KCNJ15: variants seen among roughly 807,000 people sequenced by gnomAD.
The protein encoded by KCNJ15 is potassium inwardly rectifying channel subfamily J member 15.
KCNJ15 carries 14 observed loss-of-function variants against 23.0 expected under a neutral mutation model. That is an observed-to-expected ratio of 0.61 (90% CI 0.40 to 0.95). The LOEUF (loss-of-function observed/expected upper bound fraction) is 0.95, where lower values mean the gene tolerates loss of function less well. Among genes scored for constraint, KCNJ15 ranks in the 40% least tolerant of loss-of-function variants. The probability of loss-of-function intolerance (pLI) is 0.00; values close to 1 mark genes in which losing one functional copy is unlikely to be tolerated. For synonymous variants in KCNJ15, 185 were observed against 183.2 expected (o/e 1.01, Z -0.08); for missense variants, 388 against 461.8 (o/e 0.84, Z 1.46).
chr21:38,282,265 C>T (rs1983430798), intron 1 of KCNJ15, among the ~76,000 whole-genome samples: 1 of 152,062 alleles, frequency 6.6e-6, no homozygotes, highest in Non-Finnish European at 1.5e-5. Context: ...TACTGGTGTA[C>T]CCCACATTGG....
At chr21:38,239,271 T>C (rs1475813900) in intron 1 of KCNJ15, among the ~76,000 whole-genome samples, 1 of 152,218 alleles carries the variant, frequency 6.6e-6, no homozygotes, top group Non-Finnish European at 1.5e-5. Context: ...TGACCACTGC[T>C]CAGTTCCCAC....
intron 1 of KCNJ15, among the ~76,000 whole-genome samples, chr21:38,289,196 C>CAAAA (rs66914079): frequency 2.8e-4 from 20 of 72,378 alleles, no homozygotes; most frequent in African/African-American, 8.0e-4. Flanking sequence ...AAGACTGTCT[C>CAAAA]AAAAAAAAAA....
intron 1 of KCNJ15, among the ~76,000 whole-genome samples, chr21:38,257,874 C>A (rs1245069111): frequency 6.6e-6 from 1 of 152,184 alleles, no homozygotes; most frequent in Non-Finnish European, 1.5e-5. Flanking sequence ...CTCCTCTGTA[C>A]TTCCGCATTT....
At chr21:38,257,892 T>A (rs1324402110) in intron 1 of KCNJ15, among the ~76,000 whole-genome samples, 2 of 152,216 alleles carry the variant, frequency 1.3e-5, no homozygotes, top group African/African-American at 4.8e-5. Context: ...TTTAGTCACT[T>A]GAAGGAAATA....
Position 38,299,839 on chromosome 21 carries a change from T to C in KCNJ15, c.578T>C (p.Leu193Pro). ...GTCATCACCAAGCAGAATGGGAAGCTGTGCTTGGTGATTCAGGTAGCCAAT... is the reference window on the plus strand; with the variant it reads ...GTCATCACCAAGCAGAATGGGAAGCCGTGCTTGGTGATTCAGGTAGCCAAT... ...CAVITKQNGK[L>P]CLVIQVANMR... Residue 193 changes from leucine to proline, a missense_variant, in exon 3 of 3, where the codon CTG becomes CCG. Coordinates refer to ENST00000398938, the MANE Select transcript of KCNJ15 (RefSeq NM_170736.3). This position sits in a 1 kb window ranked among gnomAD's most constrained non-coding sequence, Gnocchi z 4.5. 8.1e-6 allele frequency: 13 copies of C among 1,614,102 alleles called. No individual in the cohort carries two copies. Among genetic ancestry groups the C allele is most frequent in the Non-Finnish European group, 1.1e-5 (13 of 1,180,032 alleles).
intron 1 of KCNJ15, among the ~76,000 whole-genome samples, chr21:38,245,593 G>GAGAA (rs910718355): frequency 5.4e-5 from 8 of 149,358 alleles, no homozygotes; most frequent in African/African-American, 1.5e-4. Flanking sequence ...AAGAGAGAGA[G>GAGAA]AGAAAGAAAG....
intron 1 of KCNJ15, among the ~76,000 whole-genome samples, chr21:38,290,639 A>G (rs1006490261): frequency 6.6e-6 from 1 of 152,102 alleles, no homozygotes; most frequent in Non-Finnish European, 1.5e-5. Flanking sequence ...CTGTACCCCA[A>G]GAACTTCTGG....
intron 1 of KCNJ15, among the ~76,000 whole-genome samples, chr21:38,286,446 C>G (rs1015677399): frequency 2.0e-5 from 3 of 152,274 alleles, no homozygotes; most frequent in African/African-American, 7.2e-5. Context: ...CCTCATTGGT[C>G]TTACTGTTCC....
chr21:38,289,800 C>T (rs541441142), intron 1 of KCNJ15, among the ~76,000 whole-genome samples: 1 of 152,108 alleles, frequency 6.6e-6, no homozygotes, highest in South Asian at 2.1e-4. Context: ...GCCTCCTCAC[C>T]CCCTCCACAC....
rs1167512010 is a variant in KCNJ15, at chr21:38,304,660, A to ATTTTTTTTTT, written c.*4272_*4273insTTTTTTTTTT. On this transcript the variant is annotated 3_prime_UTR_variant, in exon 3 of 3. Transcript: ENST00000398938. ...CTTTACCCTTTGTAAACTTCAATTT[A>ATTTTTTTTTT]TCTTTTTTTTTTTTTTTTTTTTTTT... The ATTTTTTTTTT allele has an allele frequency of 2.4e-5, 1 of 41,112 alleles. No homozygotes were observed. The highest frequency in any genetic ancestry group is 7.0e-5 in the Non-Finnish European group (1 of 14,362). 2.5% of individuals were successfully genotyped at this position (41,112 alleles called of 1,614,324 possible).
chr21:38,304,660 A>ATTTTTTTTTTTT lies in KCNJ15; in HGVS notation c.*4272_*4273insTTTTTTTTTTTT, dbSNP rs1167512010. 3 of 41,118 alleles carry ATTTTTTTTTTTT rather than the reference A, an allele frequency of 7.3e-5. No homozygotes were observed. Among genetic ancestry groups the ATTTTTTTTTTTT allele is most frequent in the East Asian group, 7.3e-4 (1 of 1,378 alleles). 2.5% of individuals were successfully genotyped at this position (41,118 alleles called of 1,614,324 possible). On this transcript the variant is annotated 3_prime_UTR_variant, in exon 3 of 3. Transcript: ENST00000398938. ...CTTTACCCTTTGTAAACTTCAATTT[A>ATTTTTTTTTTTT]TCTTTTTTTTTTTTTTTTTTTTTTT...
chr21:38,259,271 A>G (rs1199722092), intron 1 of KCNJ15, among the ~76,000 whole-genome samples: 1 of 152,162 alleles, frequency 6.6e-6, no homozygotes, highest in African/African-American at 2.4e-5. Context: ...TATGAAATGT[A>G]TTTGTGTGGT....
chr21:38,299,644 T>C lies in KCNJ15; in HGVS notation c.383T>C (p.Ile128Thr). The C allele has an allele frequency of 6.2e-7, 1 of 1,613,838 alleles. No homozygotes were observed. Among genetic ancestry groups the C allele is most frequent in the Non-Finnish European group, 8.5e-7 (1 of 1,179,916 alleles). Residue 128 changes from isoleucine (I) to threonine (T), a missense_variant, in exon 3 of 3, where the codon ATT becomes ACT. Ile to Thr is a moderately conservative substitution (Grantham distance 89). Coordinates refer to ENST00000398938, the MANE Select transcript of KCNJ15 (RefSeq NM_170736.3). This position sits in a 1 kb window ranked among gnomAD's most constrained non-coding sequence, Gnocchi z 4.5. Reference protein sequence around the residue: ...FLFSLESQTTIGYGVRSITEE... With the variant: ...FLFSLESQTTTGYGVRSITEE... ...TTTTCCCTGGAATCCCAGACAACCA[T>C]TGGCTATGGAGTCCGTTCCATCACA... is the stretch of plus-strand genomic sequence containing the variant.
chr21:38,231,276 A>G (rs1255447737), intron 1 of KCNJ15, among the ~76,000 whole-genome samples: 1 of 151,966 alleles, frequency 6.6e-6, no homozygotes, highest in Admixed American at 6.5e-5. Flanking sequence ...CAATGCAATT[A>G]ATTTGTGTAT....
chr21:38,262,374 G>GA (rs1981004817), intron 1 of KCNJ15, among the ~76,000 whole-genome samples: 1 of 152,116 alleles, frequency 6.6e-6, no homozygotes, highest in African/African-American at 2.4e-5. Context: ...GAAGTTTGTG[G>GA]AAAGAATTTA....
intron 1 of KCNJ15, among the ~76,000 whole-genome samples, chr21:38,259,481 A>G (rs143191113): frequency 1.2e-3 from 180 of 152,310 alleles, no homozygotes; most frequent in African/African-American, 4.2e-3. Flanking sequence ...TGCACCCCGG[A>G]TTAAATCATG....
intron 2 of KCNJ15, chr21:38,298,406 T>C (rs1416502565): frequency 6.6e-6 from 1 of 152,246 alleles, no homozygotes; most frequent in Non-Finnish European, 1.5e-5. Context: ...TTTGGTGCCA[T>C]ACCTAAATAT....
chr21:38,288,119 C>T (rs1422684473), intron 1 of KCNJ15, among the ~76,000 whole-genome samples: 1 of 133,038 alleles, frequency 7.5e-6, no homozygotes, highest in African/African-American at 2.8e-5. Context: ...CAGCTCACTG[C>T]AAGCTCCACT....
At chr21:38,265,693 T>G (rs2123625380) in intron 1 of KCNJ15, among the ~76,000 whole-genome samples, 1 of 152,260 alleles carries the variant, frequency 6.6e-6, no homozygotes, top group East Asian at 1.9e-4. Flanking sequence ...TCAAGGAGCC[T>G]CCAGGCTGCT....
Sources: gnomAD v4.1 joint callset for allele counts (sites outside exome capture counted in the v4.1 genomes callset) on GRCh38, gnomAD v4.1.1 for gene constraint, Gnocchi (gnomAD v3.1) non-coding constraint, MANE v1.5 for transcripts, NCBI Gene and HGNC (gene_info 2026-07-23, HGNC 2026-07-21) for gene names.